UBE2L3: variants seen among roughly 807,000 people sequenced by gnomAD.
The protein encoded by UBE2L3 is ubiquitin conjugating enzyme E2 L3.
A neutral mutation model predicts 17.8 loss-of-function variants in UBE2L3; 1 was observed. The ratio of observed to expected loss-of-function variants is 0.06; its 90% CI spans 0.02 to 0.27. The LOEUF (loss-of-function observed/expected upper bound fraction) is 0.27, where lower values mean the gene tolerates loss of function less well. UBE2L3 is among the 10% of genes least tolerant of loss of function. The pLI, the probability that UBE2L3 is intolerant of heterozygous loss-of-function variation, is 1.00. For missense variants in UBE2L3, 40 were observed against 192.6 expected, an observed-to-expected ratio of 0.21 and a Z score of 4.69; for synonymous variants, 44 against 68.5, an observed-to-expected ratio of 0.64 and a Z score of 1.76.
intron 1 of UBE2L3, among the ~76,000 whole-genome samples, chr22:21,581,041 A>G (rs1054050056): frequency 6.8e-6 from 1 of 147,528 alleles, no homozygotes; most frequent in Admixed American, 6.9e-5. Context: ...GGTGTGTGCC[A>G]CCATGCCCGG....
intron 2 of UBE2L3, among the ~76,000 whole-genome samples, chr22:21,597,531 A>G (rs749690775): frequency 2.6e-5 from 4 of 152,044 alleles, no homozygotes; most frequent in Non-Finnish European, 5.9e-5. Flanking sequence ...TCCCAGGCTC[A>G]AGTGGTCCTC....
intron 1 of UBE2L3, among the ~76,000 whole-genome samples, chr22:21,583,800 A>C (rs938928674): frequency 6.6e-6 from 1 of 152,164 alleles, no homozygotes; most frequent in African/African-American, 2.4e-5. Flanking sequence ...GGGATAGTGA[A>C]CACTTACTGG....
At position 21,622,014 on chromosome 22, in the gene UBE2L3, G is replaced by T; in HGVS notation, c.*345G>T. 4.7e-6 allele frequency: 1 copy of T among 213,850 alleles called. No homozygotes were observed. The highest frequency in any genetic ancestry group is 9.3e-6 in the Non-Finnish European group (1 of 107,908). The allele number at this position is 213,850 out of a possible 1,614,324, so 13.2% of individuals were successfully genotyped here. ...AAAAAAAAGGAAAAAAAACGGTTGT[G>T]GTTCCCTTTCTTCCCTACCCTTGCC... On this transcript the variant is annotated 3_prime_UTR_variant, in exon 4 of 4. Transcript: ENST00000342192.
chr22:21,564,567 C>T (rs1006453069), upstream of UBE2L3, among the ~76,000 whole-genome samples: 6 of 152,126 alleles, frequency 3.9e-5, no homozygotes, highest in African/African-American at 1.4e-4. Flanking sequence ...CTTGACTCCC[C>T]ACCTGCAAAG....
intron 1 of UBE2L3, among the ~76,000 whole-genome samples, chr22:21,558,652 CTT>C (rs1926324919): frequency 6.7e-6 from 1 of 149,440 alleles, no homozygotes; most frequent in Admixed American, 6.6e-5. Context: ...AAAAAAAACA[CTT>C]AATTTTTTTT....
intron 2 of UBE2L3, among the ~76,000 whole-genome samples, chr22:21,607,454 G>T (rs1303844219): frequency 6.6e-6 from 1 of 150,456 alleles, no homozygotes; most frequent in Non-Finnish European, 1.5e-5. Context: ...GGCAGAGGTT[G>T]CAGTGAGCTG....
intron 1 of UBE2L3, among the ~76,000 whole-genome samples, chr22:21,589,673 G>T (rs1388533322): frequency 6.6e-6 from 1 of 152,184 alleles, no homozygotes; most frequent in Non-Finnish European, 1.5e-5. Context: ...ACCCTGTTGA[G>T]AAACTTTCTA....
intron 1 of UBE2L3, among the ~76,000 whole-genome samples, chr22:21,590,342 C>T (rs751640253): frequency 3.9e-5 from 6 of 152,250 alleles, no homozygotes; most frequent in African/African-American, 1.2e-4. Context: ...GGATTACAAG[C>T]GCCCACCACC....
At position 21,623,727 on chromosome 22, in the gene UBE2L3, G is replaced by T. The variant is rs550960923; in HGVS notation, c.*2058G>T. 1 of 153,004 alleles carries T rather than the reference G, an allele frequency of 6.5e-6. No homozygotes were observed. Among genetic ancestry groups the T allele is most frequent in the East Asian group, 1.9e-4 (1 of 5,314 alleles). The allele number at this position is 153,004 out of a possible 1,614,324, so 9.5% of individuals were successfully genotyped here. On this transcript the variant is annotated 3_prime_UTR_variant, in exon 4 of 4. Coordinates refer to ENST00000342192, the MANE Select transcript of UBE2L3 (RefSeq NM_003347.4). The stretch of plus-strand genomic sequence containing the variant: ...AGAGGCTTGGCTTTCGAGCCAGTGG[G>T]TGTCTCTCCTTTGGGCCTGGGCGGC...
At chr22:21,605,472 C>CT (rs1303540507) in intron 2 of UBE2L3, among the ~76,000 whole-genome samples, 2 of 152,124 alleles carry the variant, frequency 1.3e-5, no homozygotes, top group African/African-American at 2.4e-5. Flanking sequence ...CTGCCTCGGC[C>CT]TTTTTTTAGT....
At chr22:21,588,750 G>A (rs1031808407) in intron 1 of UBE2L3, among the ~76,000 whole-genome samples, 21 of 151,864 alleles carry the variant, frequency 1.4e-4, no homozygotes, top group Admixed American at 1.2e-3. Flanking sequence ...TACAACCTCC[G>A]CCTCCTGGGT....
chr22:21,567,698 C>G, upstream of UBE2L3: 4 of 1,562,322 alleles, frequency 2.6e-6, no homozygotes, highest in South Asian at 4.7e-5. Flanking sequence ...TCCAGCCGCC[C>G]GGCCGGCCGC....
chr22:21,616,685 C>T (rs1037347501), intron 3 of UBE2L3, among the ~76,000 whole-genome samples: 5 of 150,620 alleles, frequency 3.3e-5, no homozygotes, highest in African/African-American at 9.8e-5. Flanking sequence ...ATTAGCCAGG[C>T]GTGGTGACAG....
At chr22:21,618,234 G>A (rs866886085) in intron 3 of UBE2L3, among the ~76,000 whole-genome samples, 2 of 150,790 alleles carry the variant, frequency 1.3e-5, no homozygotes, top group Admixed American at 1.3e-4. Flanking sequence ...AAAAAATAAC[G>A]AAATAGACAA....
chr22:21,568,200 C>T, intron 1 of UBE2L3: 1 of 992,868 alleles, frequency 1.0e-6, no homozygotes, highest in Non-Finnish European at 1.2e-6. Flanking sequence ...TGGGCCGCAG[C>T]GCGCCGGGCT....
At chr22:21,588,499 A>C (rs1928075081) in intron 1 of UBE2L3, among the ~76,000 whole-genome samples, 1 of 118,966 alleles carries the variant, frequency 8.4e-6, no homozygotes, top group Non-Finnish European at 1.6e-5. Flanking sequence ...ATAGGGTCTC[A>C]CTCTAGTTGC....
intron 2 of UBE2L3, among the ~76,000 whole-genome samples, chr22:21,596,611 T>C (rs1928539464): frequency 6.6e-6 from 1 of 152,110 alleles, no homozygotes; most frequent in Non-Finnish European, 1.5e-5. Flanking sequence ...CGATCTCGGC[T>C]CTCTGCAACC....
chr22:21,572,376 G>A (rs1043976175), intron 1 of UBE2L3, among the ~76,000 whole-genome samples: 6 of 148,040 alleles, frequency 4.1e-5, no homozygotes, highest in Admixed American at 6.9e-5. Flanking sequence ...CAGAGGTTGC[G>A]GTGAGCCAAG....
In UBE2L3 at chr22:21,582,147, A is replaced by C. The variant is rs113325780; in HGVS notation, c.28-10714A>C. ...AAAAAAAAACAAAAAAACAAACAAAAAAAAAAACAGTTCAGAACAACGTCT... is the reference window on the plus strand; with the variant it reads ...AAAAAAAAACAAAAAAACAAACAAACAAAAAAACAGTTCAGAACAACGTCT... On this transcript the variant is annotated intron_variant, in intron 1 of 3. Transcript: ENST00000342192. Among the ~76,000 whole-genome samples, 279 of 145,604 alleles carry C rather than the reference A, an allele frequency of 1.9e-3. 3 individuals are homozygous for C. The highest frequency in any genetic ancestry group is 7.8e-3 in the East Asian group (40 of 5,158).
Sources: allele counts gnomAD v4.1 joint callset (sites outside exome capture counted in the v4.1 genomes callset), GRCh38; gene constraint gnomAD v4.1.1; transcripts MANE v1.5; gene names NCBI Gene and HGNC (gene_info 2026-07-23, HGNC 2026-07-21).